The following CNTN5 variants were observed in gnomAD, a reference collection of about 807,000 sequenced individuals.
CNTN5 encodes the protein contactin 5.
In CNTN5, 77 loss-of-function variants were observed where a neutral mutation model predicts 129.1. The ratio of observed to expected loss-of-function variants is 0.60; its 90% CI spans 0.50 to 0.72. The LOEUF is 0.72. Among genes scored for constraint, CNTN5 ranks in the 30% least tolerant of loss-of-function variants. CNTN5 has a pLI of 0.00. For synonymous variants in CNTN5, 509 were observed against 465.6 expected (o/e 1.09, Z -1.20); for missense variants, 1,478 against 1,328.8 (o/e 1.11, Z -1.75).
At chr11:99,566,447 G>T (rs1446566166) in intron 3 of CNTN5, among the ~76,000 whole-genome samples, 1 of 152,140 alleles carries the variant, frequency 6.6e-6, no homozygotes, top group Non-Finnish European at 1.5e-5. Flanking sequence ...ATGCACAAGG[G>T]TTAGCAGGAT....
intron 6 of CNTN5, among the ~76,000 whole-genome samples, chr11:99,899,459 GT>G (rs1949296096): frequency 6.6e-6 from 1 of 151,892 alleles, no homozygotes; most frequent in Non-Finnish European, 1.5e-5. Context: ...ATCCAGTACT[GT>G]TTTTTGCATC....
At chr11:99,457,931 C>G (rs891661213) in intron 2 of CNTN5, among the ~76,000 whole-genome samples, 1 of 151,692 alleles carries the variant, frequency 6.6e-6, no homozygotes, top group Admixed American at 6.6e-5. Context: ...TCTTGAAATT[C>G]TTTTGTTGAC....
intron 1 of CNTN5, among the ~76,000 whole-genome samples, chr11:99,224,658 T>C (rs1207740785): frequency 5.0e-4 from 2 of 3,974 alleles, no homozygotes; most frequent in Non-Finnish European, 9.7e-4. Context: ...CAAGGTTGCA[T>C]TTTTTTTTTT....
chr11:99,996,944 C>T (rs868564233), intron 8 of CNTN5, among the ~76,000 whole-genome samples: 1 of 152,096 alleles, frequency 6.6e-6, no homozygotes, highest in Admixed American at 6.5e-5. Context: ...GTGGGGATTA[C>T]CATTTCAGAT....
chr11:100,049,114 C>CA (rs1165559822), intron 9 of CNTN5, among the ~76,000 whole-genome samples: 3 of 151,800 alleles, frequency 2.0e-5, no homozygotes, highest in Middle Eastern at 3.4e-3. Flanking sequence ...TAAAACTCCA[C>CA]AAAAAAAGAG....
chr11:99,870,905 G>A (rs1948488343), intron 6 of CNTN5, among the ~76,000 whole-genome samples: 1 of 152,026 alleles, frequency 6.6e-6, no homozygotes, highest in South Asian at 2.1e-4. Flanking sequence ...TACATTGAAA[G>A]CGAATATATT....
chr11:99,421,686 A>T (rs550926228), intron 2 of CNTN5, among the ~76,000 whole-genome samples: 1 of 152,276 alleles, frequency 6.6e-6, no homozygotes, highest in South Asian at 2.1e-4. Context: ...CTTTATAAAT[A>T]TACATTTAGG....
chr11:99,486,857 A>G (rs1309144980), intron 2 of CNTN5, among the ~76,000 whole-genome samples: 1 of 152,168 alleles, frequency 6.6e-6, no homozygotes, highest in African/African-American at 2.4e-5. Flanking sequence ...CTTACTACAC[A>G]AAAGAGATTA....
At chr11:100,127,297 G>A (rs1191976503) in intron 13 of CNTN5, among the ~76,000 whole-genome samples, 1 of 151,666 alleles carries the variant, frequency 6.6e-6, no homozygotes, top group African/African-American at 2.4e-5. Flanking sequence ...TATAGGCTAG[G>A]CTAGTGATGA....
chr11:99,772,020 A>G (rs781769076), intron 3 of CNTN5, among the ~76,000 whole-genome samples: 3 of 151,990 alleles, frequency 2.0e-5, no homozygotes, highest in Non-Finnish European at 2.9e-5. Flanking sequence ...GGAGTCTATA[A>G]AAGAAAGTAC....
At chr11:99,385,538 G>A (rs1179894657) in intron 2 of CNTN5, among the ~76,000 whole-genome samples, 2 of 152,172 alleles carry the variant, frequency 1.3e-5, no homozygotes, top group East Asian at 3.9e-4. Context: ...TTGAGTTATG[G>A]TTAGATTGCA....
chr11:100,021,106 G>A (rs1307547133), intron 9 of CNTN5, among the ~76,000 whole-genome samples: 1 of 151,934 alleles, frequency 6.6e-6, no homozygotes, highest in African/African-American at 2.4e-5. Flanking sequence ...ATGTTATTTA[G>A]CTTCCAAATA....
chr11:99,554,285 T>G (rs1056500634), intron 2 of CNTN5, among the ~76,000 whole-genome samples: 1 of 152,114 alleles, frequency 6.6e-6, no homozygotes. Context: ...ATCCATGTGT[T>G]CCTTGTCAGT....
chr11:99,655,447 A>C (rs1952319595), intron 3 of CNTN5, among the ~76,000 whole-genome samples: 1 of 152,152 alleles, frequency 6.6e-6, no homozygotes, highest in Admixed American at 6.6e-5. Flanking sequence ...TTAGATATGC[A>C]GACTGGGAGA....
intron 2 of CNTN5, among the ~76,000 whole-genome samples, chr11:99,462,404 G>A (rs1944748203): frequency 7.4e-6 from 1 of 135,786 alleles, no homozygotes; most frequent in African/African-American, 2.8e-5. Flanking sequence ...CCACAAGTTG[G>A]CAAAAATTTC....
At chr11:99,627,382 C>G (rs1311957602) in intron 3 of CNTN5, among the ~76,000 whole-genome samples, 3 of 151,938 alleles carry the variant, frequency 2.0e-5, no homozygotes, top group Non-Finnish European at 4.4e-5. Flanking sequence ...ACTATTCTTA[C>G]CATAGTTGAA....
chr11:100,064,707 T>C (rs570187452), intron 10 of CNTN5, among the ~76,000 whole-genome samples: 1 of 152,256 alleles, frequency 6.6e-6, no homozygotes, highest in East Asian at 1.9e-4. Flanking sequence ...GACCTGGTTT[T>C]AACTCATCAT....
Position 99,188,540 on chromosome 11 carries a change from A to G in CNTN5, c.-209-136806A>G, listed in dbSNP as rs537167056. 2.8e-4 allele frequency among the ~76,000 whole-genome samples: 43 copies of G among 151,948 alleles called. 1 individual carries two copies. The South Asian group carries it at 9.0e-3, about 32-fold the overall frequency. On this transcript the variant is annotated intron_variant, in intron 1 of 24. Coordinates refer to ENST00000524871, the MANE Select transcript of CNTN5 (RefSeq NM_014361.4). ...GAGATTGAGCAACTTTCATGTTTAC[A>G]ATCTGCAATTATTCAAAACATGATT...
intron 3 of CNTN5, among the ~76,000 whole-genome samples, chr11:99,660,925 C>A (rs1349108968): frequency 6.6e-6 from 1 of 151,702 alleles, no homozygotes; most frequent in Admixed American, 6.6e-5. Flanking sequence ...AATTTCACTG[C>A]CAAACAGGAG....
Sources: gnomAD v4.1 joint callset for allele counts (sites outside exome capture counted in the v4.1 genomes callset) on GRCh38, gnomAD v4.1.1 for gene constraint, MANE v1.5 for transcripts, NCBI Gene and HGNC (gene_info 2026-07-23, HGNC 2026-07-21) for gene names.